SSH1: variants seen among roughly 807,000 people sequenced by gnomAD.
SSH1 encodes the protein protein phosphatase Slingshot homolog 1.
SSH1 carries 43 observed loss-of-function variants against 79.7 expected under a neutral mutation model. That is an observed-to-expected ratio of 0.54 (90% CI 0.42 to 0.70). The LOEUF (loss-of-function observed/expected upper bound fraction) is 0.70, where lower values mean the gene tolerates loss of function less well. SSH1 is among the 30% of genes least tolerant of loss of function. The pLI, the probability that SSH1 is intolerant of heterozygous loss-of-function variation, is 0.00. For missense variants in SSH1, 1,206 were observed against 1,358.8 expected, an observed-to-expected ratio of 0.89 and a Z score of 1.77; for synonymous variants, 599 against 538.3, an observed-to-expected ratio of 1.11 and a Z score of -1.56.
chr12:108,811,946 A>G (rs1358868470), intron 5 of SSH1, among the ~76,000 whole-genome samples: 1 of 152,194 alleles, frequency 6.6e-6, no homozygotes, highest in Non-Finnish European at 1.5e-5. Flanking sequence ...AAGCCGCTGT[A>G]ACCGTGCCAA....
At position 108,807,653 on chromosome 12, in the gene SSH1, G is replaced by C. The variant is rs1295454099; in HGVS notation, c.711C>G (p.Ser237=). The part of the protein sequence containing the change: ...MQDLESTRPD[S]PALFVDKPTE... ...CTTACTTGTCCACAAATAGCGCGGG[G>C]GAGTCGGGCCGCGTAGACTCCAGGT... The change falls in exon 8 of 15, where the codon TCC becomes TCG. Residue 237 remains serine, a synonymous_variant. Coordinates refer to ENST00000326495, the MANE Select transcript of SSH1 (RefSeq NM_018984.4). This position sits in a 1 kb window ranked among gnomAD's most constrained non-coding sequence, Gnocchi z 5.2. 2 of 1,612,886 alleles carry C rather than the reference G, an allele frequency of 1.2e-6. No individual in the cohort carries two copies. Among genetic ancestry groups the C allele is most frequent in the African/African-American group, 1.3e-5 (1 of 74,772 alleles).
chr12:108,824,875 TA>T (rs1364867866), intron 2 of SSH1, among the ~76,000 whole-genome samples: 2 of 152,298 alleles, frequency 1.3e-5, no homozygotes, highest in East Asian at 3.9e-4. Context: ...TGTTCAAAAA[TA>T]CCATCAACTC....
intron 2 of SSH1, among the ~76,000 whole-genome samples, chr12:108,847,276 T>C (rs1394284355): frequency 6.6e-6 from 1 of 152,148 alleles, no homozygotes; most frequent in East Asian, 1.9e-4. Flanking sequence ...GTGGAACAAT[T>C]GAGACCCACA....
intron 5 of SSH1, among the ~76,000 whole-genome samples, chr12:108,814,389 A>C (rs1353552926): frequency 6.6e-6 from 1 of 151,128 alleles, no homozygotes; most frequent in African/African-American, 2.4e-5. Flanking sequence ...ATAAAATCCC[A>C]AGGAAGGAAT....
At chr12:108,795,392 G>A (rs898923580) in intron 13 of SSH1, among the ~76,000 whole-genome samples, 1 of 152,008 alleles carries the variant, frequency 6.6e-6, no homozygotes, top group Admixed American at 6.6e-5. Flanking sequence ...TGAGATTACA[G>A]GCACACGCCA....
chr12:108,778,993 G>A lies in SSH1; in HGVS notation c.*8995C>T, dbSNP rs868207559. ...TAATTTTTGTATTATTGGTAGAGAT[G>A]GGGGTTCACCATGTTACCTGGGCTG... On this transcript the variant is annotated 3_prime_UTR_variant, in exon 15 of 15. Transcript: ENST00000326495. 12 of 152,086 alleles carry A rather than the reference G, an allele frequency of 7.9e-5. No individual in the cohort carries two copies. Among genetic ancestry groups the A allele is most frequent in the South Asian group, 4.1e-4 (2 of 4,822 alleles). 9.4% of individuals were successfully genotyped at this position (152,086 alleles called of 1,614,324 possible). A position where few individuals can be genotyped will look rare whatever the true frequency, so the allele number is the denominator to read the frequency against.
chr12:108,839,200 C>A (rs1428610454), intron 2 of SSH1, among the ~76,000 whole-genome samples: 3 of 152,228 alleles, frequency 2.0e-5, no homozygotes, highest in African/African-American at 7.2e-5. Flanking sequence ...AAACCACCTC[C>A]ATTACCATAT....
In SSH1 at chr12:108,781,540, GAGAC is replaced by G. The variant is rs1448267481; in HGVS notation, c.*6444_*6447del. On this transcript the variant is annotated 3_prime_UTR_variant, in exon 15 of 15. Transcript: ENST00000326495. ...TCATCAGTCTTTTGAGTCCAGTTGAGAGACAGAGCAAGTCCAGATGAACTGAACA... is the reference window on the plus strand; with the variant it reads ...TCATCAGTCTTTTGAGTCCAGTTGAGAGAGCAAGTCCAGATGAACTGAACA... 1 of 152,226 alleles carries G rather than the reference GAGAC, an allele frequency of 6.6e-6. No homozygotes were observed. Among genetic ancestry groups the G allele is most frequent in the Non-Finnish European group, 1.5e-5 (1 of 68,052 alleles). The allele number at this position is 152,226 out of a possible 1,614,324, so 9.4% of individuals were successfully genotyped here.
In SSH1 at chr12:108,818,238, C is replaced by G. The variant is rs779223234; in HGVS notation, c.279+11G>C. 2 of 1,610,616 alleles carry G rather than the reference C, an allele frequency of 1.2e-6. No homozygotes were observed. Among genetic ancestry groups the G allele is most frequent in the East Asian group, 4.5e-5 (2 of 44,868 alleles). On this transcript the variant is annotated intron_variant, in intron 4 of 14. Transcript: ENST00000326495. ...AAAATTTTTTAACTTGACATTCTCACTGCTTCTTACCAGCTTGATTCTGTC... is the reference window on the plus strand; with the variant it reads ...AAAATTTTTTAACTTGACATTCTCAGTGCTTCTTACCAGCTTGATTCTGTC...
intron 2 of SSH1, among the ~76,000 whole-genome samples, chr12:108,829,114 G>C (rs2038408425): frequency 6.6e-6 from 1 of 152,080 alleles, no homozygotes; most frequent in Non-Finnish European, 1.5e-5. Flanking sequence ...GATCATTTGA[G>C]GTCAGGAGTT....
chr12:108,788,368 TG>T lies in SSH1; in HGVS notation c.2769del (p.Thr924ProfsTer5), dbSNP rs1565963704. On this transcript the variant is annotated frameshift_variant, in exon 15 of 15. Transcript: ENST00000326495. LOFTEE classifies it low-confidence loss of function (END_TRUNC). The stretch of plus-strand genomic sequence containing the variant: ...AGGTTGGAGCTCATGGAAGAGGAGG[TG>T]GGGGTGTAGCAGATGGTCTTCAGAA... ...KDFLKTICYT[P>X]TSSSMSSNLT... The T allele has an allele frequency of 2.5e-6, 4 of 1,612,028 alleles. No individual in the cohort carries two copies. Among genetic ancestry groups the T allele is most frequent in the Non-Finnish European group, 3.4e-6 (4 of 1,179,694 alleles).
At position 108,785,699 on chromosome 12, in the gene SSH1, A is replaced by G. The variant is rs2036253464; in HGVS notation, c.*2289T>C. On this transcript the variant is annotated 3_prime_UTR_variant, in exon 15 of 15. Transcript: ENST00000326495. ...CCCCCCAACTCTTTAGATAAGAAAAATTATGGCTTTCAAAATTAAAGTTTT... is the reference window on the plus strand; with the variant it reads ...CCCCCCAACTCTTTAGATAAGAAAAGTTATGGCTTTCAAAATTAAAGTTTT... 1 of 152,180 alleles carries G rather than the reference A, an allele frequency of 6.6e-6. No individual in the cohort carries two copies. The highest frequency in any genetic ancestry group is 1.5e-5 in the Non-Finnish European group (1 of 68,040). The allele number at this position is 152,180 out of a possible 1,614,324, so 9.4% of individuals were successfully genotyped here. A position where few individuals can be genotyped will look rare whatever the true frequency, so the allele number is the denominator to read the frequency against.
At chr12:108,809,026 A>G (rs2037436491) in intron 7 of SSH1, among the ~76,000 whole-genome samples, 2 of 151,358 alleles carry the variant, frequency 1.3e-5, no homozygotes, top group South Asian at 4.2e-4. Flanking sequence ...TACAGACAGC[A>G]TTTTGCCATG....
chr12:108,813,952 A>G (rs1201135345), intron 5 of SSH1, among the ~76,000 whole-genome samples: 2 of 151,826 alleles, frequency 1.3e-5, no homozygotes, highest in Non-Finnish European at 1.5e-5. Context: ...GGCCGGGTAC[A>G]GTGGCTCACG....
intron 2 of SSH1, chr12:108,827,263 T>TA: frequency 6.5e-7 from 1 of 1,548,398 alleles, no homozygotes; most frequent in South Asian, 1.2e-5. Context: ...TCATACGTAC[T>TA]AATTTGAGCT....
chr12:108,852,963 C>A, intron 1 of SSH1: 3 of 985,410 alleles, frequency 3.0e-6, no homozygotes, highest in Non-Finnish European at 3.6e-6. Context: ...TGTTACCCAG[C>A]ACGGTCTTTT....
intron 2 of SSH1, among the ~76,000 whole-genome samples, chr12:108,830,766 C>T (rs1268633064): frequency 2.6e-5 from 4 of 152,098 alleles, no homozygotes; most frequent in Non-Finnish European, 5.9e-5. Flanking sequence ...GACGCTGCAT[C>T]ATGACAATAC....
chr12:108,824,781 C>T (rs1003921996), intron 2 of SSH1, among the ~76,000 whole-genome samples: 1 of 152,170 alleles, frequency 6.6e-6, no homozygotes, highest in African/African-American at 2.4e-5. Context: ...TTTAATTTCA[C>T]TTTCATGACT....
chr12:108,800,736 A>G (rs2036961744), intron 12 of SSH1, 44 bp downstream of exon 12: 4 of 1,605,048 alleles, frequency 2.5e-6, no homozygotes, highest in Non-Finnish European at 8.5e-7. Context: ...TCCCAGCCTC[A>G]GCAGGTTGGT....
Sources: gnomAD v4.1 joint callset for allele counts (sites outside exome capture counted in the v4.1 genomes callset) on GRCh38, gnomAD v4.1.1 for gene constraint, Gnocchi (gnomAD v3.1) non-coding constraint, MANE v1.5 for transcripts, NCBI Gene and HGNC (gene_info 2026-07-23, HGNC 2026-07-21) for gene names.